The following SULF2 variants were observed in gnomAD, a reference collection of about 807,000 sequenced individuals.
SULF2 encodes extracellular sulfatase Sulf-2.
Under a neutral mutation model 107.7 loss-of-function variants are expected in SULF2, and 52 were observed. The observed-to-expected ratio is 0.48, with a 90% CI of 0.39 to 0.61. The LOEUF is 0.61. Among genes scored for constraint, SULF2 ranks in the 20% least tolerant of loss-of-function variants. The probability of loss-of-function intolerance (pLI) is 0.00; values close to 1 mark genes in which losing one functional copy is unlikely to be tolerated. For missense variants in SULF2, 993 were observed against 1,177.3 expected, an observed-to-expected ratio of 0.84 and a Z score of 2.29; for synonymous variants, 460 against 464.3, an observed-to-expected ratio of 0.99 and a Z score of 0.12.
upstream of SULF2, chr20:47,786,076 C>T (rs2090928149): frequency 6.6e-6 from 1 of 152,204 alleles, no homozygotes; most frequent in Non-Finnish European, 1.5e-5. Flanking sequence ...TGCTCGCCCT[C>T]GGCGGAGAGT....
chr20:47,702,597 G>C lies in SULF2; in HGVS notation c.489C>G (p.Leu163=). Residue 163 remains leucine (L), a synonymous_variant, in exon 4 of 21, where the codon CTC becomes CTG. Coordinates refer to ENST00000688720, the MANE Select transcript of SULF2 (RefSeq NM_001387048.1). The stretch of plus-strand genomic sequence containing the variant: ...AGTTATAAAAGCGGGAGTTTTTAAG[G>C]AGTCCGACCCACTCCTTCCAGCCGG... ...VPPGWKEWVG[L]LKNSRFYNYT... is the part of the protein sequence containing the mutation. The C allele has an allele frequency of 6.2e-7, 1 of 1,613,736 alleles. No individual in the cohort carries two copies. The highest frequency in any genetic ancestry group is 8.5e-7 in the Non-Finnish European group (1 of 1,180,014).
rs141076850 is a variant in SULF2, at chr20:47,676,552, C to T, written c.1322G>A (p.Arg441His). 32 of 1,590,908 alleles carry T rather than the reference C, an allele frequency of 2.0e-5. No individual in the cohort carries two copies. The African/African-American group carries it at 2.1e-4, about 11-fold the overall frequency. Residue 441 changes from arginine (R) to histidine (H), a missense_variant, in exon 10 of 21, where the codon CGT becomes CAT. Arg to His is a conservative substitution (Grantham distance 29). Coordinates refer to ENST00000688720, the MANE Select transcript of SULF2 (RefSeq NM_001387048.1). The part of the protein sequence containing the change: ...QEENFLPKYQ[R>H]VKDLCQRAEY... The stretch of plus-strand genomic sequence containing the variant: ...AGCACGCTGACACAGGTCCTTCACA[C>T]GCTGGTACTTGGGCAGAAAGTTCTC...
chr20:47,690,392 A>C (rs537135824), intron 4 of SULF2, 97 bp from the exon 5 acceptor site: 1 of 965,282 alleles, frequency 1.0e-6, no homozygotes, highest in African/African-American at 1.7e-5. Context: ...CTGGGGACAC[A>C]ATAGTGAACA....
chr20:47,718,776 A>G (rs1395128337), intron 3 of SULF2, among the ~76,000 whole-genome samples: 1 of 152,094 alleles, frequency 6.6e-6, no homozygotes, highest in African/African-American at 2.4e-5. Flanking sequence ...AGAGTTGGGG[A>G]TGGGGGTTGA....
chr20:47,665,908 C>G lies in SULF2; in HGVS notation c.1851G>C (p.Leu617=). The change falls in exon 13 of 21, where the codon CTG becomes CTC. Residue 617 remains leucine, a synonymous_variant. Transcript: ENST00000688720. The part of the protein sequence containing the change: ...ENDTVQCDLD[L]YKSLQAWKDH... ...CTTTCCAGGCCTGCAGGGACTTGTACAGGTCCAGGTCACACTGGACTGTGT... is the reference window on the plus strand; with the variant it reads ...CTTTCCAGGCCTGCAGGGACTTGTAGAGGTCCAGGTCACACTGGACTGTGT... The G allele has an allele frequency of 2.5e-6, 4 of 1,614,102 alleles. No individual in the cohort carries two copies. Among genetic ancestry groups the G allele is most frequent in the African/African-American group, 2.7e-5 (2 of 75,060 alleles).
chr20:47,752,215 T>C (rs2090172276), intron 2 of SULF2, among the ~76,000 whole-genome samples: 1 of 152,186 alleles, frequency 6.6e-6, no homozygotes, highest in Non-Finnish European at 1.5e-5. Context: ...ACAACCCAAG[T>C]GAGAGCAAAC....
chr20:47,671,005 GC>G (rs2087451975), intron 11 of SULF2, among the ~76,000 whole-genome samples: 1 of 151,234 alleles, frequency 6.6e-6, no homozygotes, highest in Non-Finnish European at 1.5e-5. Context: ...GGACCCCGAC[GC>G]CTCCACACAT....
intron 2 of SULF2, among the ~76,000 whole-genome samples, chr20:47,745,382 GAAAAAAAAAAAAAAA>G (rs1158560282): frequency 0.039 from 2,035 of 51,900 alleles, 131 homozygotes; most frequent in African/African-American, 0.078. Flanking sequence ...AGTTTTGAGG[GAAAAAAAAAAAAAAA>G]AAAAAAAAAA....
intron 3 of SULF2, among the ~76,000 whole-genome samples, chr20:47,714,236 G>A (rs1244893800): frequency 6.6e-6 from 1 of 152,116 alleles, no homozygotes; most frequent in Non-Finnish European, 1.5e-5. Flanking sequence ...CACACGTTTG[G>A]CCGTTTTTAT....
chr20:47,758,025 G>A (rs868275834), intron 1 of SULF2, among the ~76,000 whole-genome samples: 4 of 152,244 alleles, frequency 2.6e-5, no homozygotes, highest in Middle Eastern at 3.4e-3. Context: ...CAGTTTTCCC[G>A]TGAGCAAGCC....
chr20:47,660,651 C>T (rs1475298262), intron 18 of SULF2, among the ~76,000 whole-genome samples: 1 of 151,988 alleles, frequency 6.6e-6, no homozygotes, highest in African/African-American at 2.4e-5. Context: ...CTCTGTCTCC[C>T]AGGCTGGAGT....
chr20:47,757,935 G>T (rs1372318153), intron 1 of SULF2, among the ~76,000 whole-genome samples: 1 of 152,142 alleles, frequency 6.6e-6, no homozygotes, highest in Non-Finnish European at 1.5e-5. Context: ...TCAATCAGGG[G>T]TTTAAACGAG....
chr20:47,771,906 T>C (rs1453359139), intron 1 of SULF2, among the ~76,000 whole-genome samples: 1 of 151,628 alleles, frequency 6.6e-6, no homozygotes, highest in Non-Finnish European at 1.5e-5. Context: ...GCTGCTAGAG[T>C]TTTTTACAGG....
At chr20:47,755,447 A>G (rs979322344) in intron 2 of SULF2, among the ~76,000 whole-genome samples, 5 of 152,174 alleles carry the variant, frequency 3.3e-5, no homozygotes, top group Non-Finnish European at 5.9e-5. Context: ...ATCATGTTGC[A>G]AAAATGTGTT....
chr20:47,727,120 A>G (rs968748073), intron 3 of SULF2, among the ~76,000 whole-genome samples: 1 of 152,136 alleles, frequency 6.6e-6, no homozygotes, highest in African/African-American at 2.4e-5. Context: ...TGTGTTCCCC[A>G]AAATATATGC....
intron 5 of SULF2, among the ~76,000 whole-genome samples, chr20:47,688,270 C>G (rs1196653396): frequency 6.6e-6 from 1 of 152,192 alleles, no homozygotes; most frequent in Non-Finnish European, 1.5e-5. Context: ...GCAGGACTTT[C>G]TCTTTTTTGG....
At chr20:47,745,411 A>T (rs1344726529) in intron 2 of SULF2, among the ~76,000 whole-genome samples, 3 of 4,926 alleles carry the variant, frequency 6.1e-4, no homozygotes, top group Non-Finnish European at 1.1e-3. Context: ...AAAAAAAAAA[A>T]TATATATATA....
chr20:47,697,053 G>A (rs1035536286), intron 4 of SULF2, among the ~76,000 whole-genome samples: 3 of 152,070 alleles, frequency 2.0e-5, no homozygotes, highest in African/African-American at 4.8e-5. Context: ...CTGCCAGGTC[G>A]CCCCCACACT....
chr20:47,676,388 T>G, intron 10 of SULF2, 106 bp downstream of exon 10: 2 of 1,306,084 alleles, frequency 1.5e-6, no homozygotes, highest in African/African-American at 1.5e-5. Context: ...GGACTACCCG[T>G]TGGGAGGCCC....
Sources: gnomAD v4.1 joint callset for allele counts (sites outside exome capture counted in the v4.1 genomes callset) on GRCh38, gnomAD v4.1.1 for gene constraint, MANE v1.5 for transcripts, NCBI Gene and HGNC (gene_info 2026-07-23, HGNC 2026-07-21) for gene names.